The following KCNB2 variants were observed in gnomAD, a reference collection of about 807,000 sequenced individuals.
The protein encoded by KCNB2 is potassium voltage-gated channel subfamily B member 2.
Under a neutral mutation model 61.5 loss-of-function variants are expected in KCNB2, and 15 were observed. The ratio of observed to expected loss-of-function variants is 0.24; its 90% CI spans 0.16 to 0.38. KCNB2 has a LOEUF of 0.38. Ranked by LOEUF, KCNB2 falls within the 10% of genes least tolerant of loss-of-function variation. The pLI, the probability that KCNB2 is intolerant of heterozygous loss-of-function variation, is 1.00. For synonymous variants in KCNB2, 457 were observed against 446.0 expected, an observed-to-expected ratio of 1.02 and a Z score of -0.31; for missense variants, 828 against 1,125.2, an observed-to-expected ratio of 0.74 and a Z score of 3.78.
intron 2 of KCNB2, among the ~76,000 whole-genome samples, chr8:72,874,064 T>C (rs1351425230): frequency 6.6e-6 from 1 of 152,246 alleles, no homozygotes; most frequent in African/African-American, 2.4e-5. Flanking sequence ...TAGGCAACTG[T>C]GGACTTACAT....
Position 72,572,839 on chromosome 8 carries a change from G to A in KCNB2, c.579+4526G>A, listed in dbSNP as rs984038382. Among the ~76,000 whole-genome samples the A allele has an allele frequency of 2.0e-5, 3 of 152,130 alleles. No individual in the cohort carries two copies. The South Asian group carries it at 6.2e-4, about 32-fold the overall frequency. On this transcript the variant is annotated intron_variant, in intron 2 of 2. Transcript: ENST00000523207. Reference sequence around the variant, plus strand: ...GCACCAGTTTTCTCCCCTTGAAAATGCATGGGACGGAGGGAAGGAGATGAC... The same window carrying A: ...GCACCAGTTTTCTCCCCTTGAAAATACATGGGACGGAGGGAAGGAGATGAC...
intron 2 of KCNB2, among the ~76,000 whole-genome samples, chr8:72,846,375 C>T (rs1010984375): frequency 3.3e-5 from 5 of 152,004 alleles, no homozygotes; most frequent in Admixed American, 1.3e-4. Context: ...ACTAAAATAC[C>T]GAAAGCAATG....
chr8:72,894,110 G>A (rs1345452584), intron 2 of KCNB2, among the ~76,000 whole-genome samples: 2 of 152,174 alleles, frequency 1.3e-5, no homozygotes, highest in East Asian at 1.9e-4. Flanking sequence ...TGGGGTAGGT[G>A]AATGATGAAG....
chr8:72,851,845 A>AAAAAAAAAAAAAC (rs1563404693), intron 2 of KCNB2, among the ~76,000 whole-genome samples: 1 of 147,914 alleles, frequency 6.8e-6, no homozygotes, highest in Admixed American at 6.7e-5. Flanking sequence ...AAAAAAAAAA[A>AAAAAAAAAAAAAC]AAACACGTAC....
intron 1 of KCNB2, among the ~76,000 whole-genome samples, chr8:72,539,607 A>C (rs140093464): frequency 9.5e-4 from 145 of 152,268 alleles, no homozygotes; most frequent in Middle Eastern, 3.4e-3. Flanking sequence ...CCTCATACAC[A>C]AACCCACACG....
At chr8:72,700,986 A>G (rs1481374091) in intron 2 of KCNB2, among the ~76,000 whole-genome samples, 2 of 152,198 alleles carry the variant, frequency 1.3e-5, no homozygotes, top group Admixed American at 6.5e-5. Flanking sequence ...AGGAACAAGA[A>G]TACCACATGT....
chr8:72,586,037 A>T (rs1451573491), intron 2 of KCNB2, among the ~76,000 whole-genome samples: 2 of 152,216 alleles, frequency 1.3e-5, no homozygotes, highest in Non-Finnish European at 2.9e-5. Context: ...ATCCACCAGC[A>T]TTCCTAAAAA....
chr8:72,779,962 A>G (rs1808727138), intron 2 of KCNB2, among the ~76,000 whole-genome samples: 1 of 151,894 alleles, frequency 6.6e-6, no homozygotes, highest in Non-Finnish European at 1.5e-5. Flanking sequence ...CACCATGGAC[A>G]GTGCTTGGGT....
At chr8:72,851,834 A>AAAAAAAAAAAAC (rs1810118274) in intron 2 of KCNB2, among the ~76,000 whole-genome samples, 2 of 142,212 alleles carry the variant, frequency 1.4e-5, no homozygotes, top group African/African-American at 2.7e-5. Flanking sequence ...AGGAAAAAAA[A>AAAAAAAAAAAAC]AAAAAAAAAA....
intron 2 of KCNB2, among the ~76,000 whole-genome samples, chr8:72,885,168 A>C (rs1563413159): frequency 6.6e-6 from 1 of 152,124 alleles, no homozygotes; most frequent in Non-Finnish European, 1.5e-5. Flanking sequence ...ATATTAAACT[A>C]TGCTTGCATT....
chr8:72,667,166 A>C lies in KCNB2; in HGVS notation c.579+98853A>C, dbSNP rs1806490258. On this transcript the variant is annotated intron_variant, in intron 2 of 2. Transcript: ENST00000523207. The stretch of plus-strand genomic sequence containing the variant: ...ATAAGCACCTGGCAGAGTCTTTGTG[A>C]GGATTACCTGGGTTAGCTCATGGAA... Among the ~76,000 whole-genome samples, 3 of 152,204 alleles carry C rather than the reference A, an allele frequency of 2.0e-5. 1 individual carries two copies. In the South Asian group the frequency reaches 6.2e-4, roughly 31 times the overall value.
intron 2 of KCNB2, among the ~76,000 whole-genome samples, chr8:72,712,251 A>G (rs945226639): frequency 6.6e-6 from 1 of 152,214 alleles, no homozygotes; most frequent in Non-Finnish European, 1.5e-5. Flanking sequence ...GAAGGAGCAT[A>G]TTTTTAAGGA....
intron 2 of KCNB2, among the ~76,000 whole-genome samples, chr8:72,681,160 T>C (rs1274355904): frequency 6.6e-6 from 1 of 152,110 alleles, no homozygotes; most frequent in African/African-American, 2.4e-5. Context: ...TGAATGAGTT[T>C]GGCTTGGGGG....
chr8:72,908,417 A>G (rs1464716375), intron 2 of KCNB2, among the ~76,000 whole-genome samples: 4 of 152,078 alleles, frequency 2.6e-5, no homozygotes, highest in Admixed American at 2.6e-4. Flanking sequence ...GCCATGTCTG[A>G]TTTTGTTCAC....
chr8:72,740,982 T>G (rs1302497943), intron 2 of KCNB2, among the ~76,000 whole-genome samples: 1 of 152,234 alleles, frequency 6.6e-6, no homozygotes, highest in Non-Finnish European at 1.5e-5. Context: ...TCTCAAGACA[T>G]GTTTACTTTT....
At chr8:72,555,188 GATA>G (rs1806404474) in intron 1 of KCNB2, among the ~76,000 whole-genome samples, 1 of 151,930 alleles carries the variant, frequency 6.6e-6, no homozygotes, top group Admixed American at 6.6e-5. Flanking sequence ...ATAAATAAAA[GATA>G]ATAATACCCA....
At chr8:72,888,544 C>T (rs888947524) in intron 2 of KCNB2, among the ~76,000 whole-genome samples, 6 of 152,040 alleles carry the variant, frequency 3.9e-5, no homozygotes, top group African/African-American at 1.2e-4. Context: ...TTTCTTAAGC[C>T]CTTGGCTCAG....
At chr8:72,711,434 A>C (rs1159660206) in intron 2 of KCNB2, among the ~76,000 whole-genome samples, 1 of 152,192 alleles carries the variant, frequency 6.6e-6, no homozygotes, top group East Asian at 1.9e-4. Flanking sequence ...TTCACACTGA[A>C]GAGTCTATCT....
chr8:72,561,747 G>GTATATA (rs1320328900), intron 1 of KCNB2, among the ~76,000 whole-genome samples: 7 of 16,042 alleles, frequency 4.4e-4, no homozygotes, highest in African/African-American at 2.5e-3. Context: ...ATATATATAT[G>GTATATA]TATATATATA....
Sources: gnomAD v4.1 joint callset for allele counts (sites outside exome capture counted in the v4.1 genomes callset) on GRCh38, gnomAD v4.1.1 for gene constraint, MANE v1.5 for transcripts, NCBI Gene and HGNC (gene_info 2026-07-23, HGNC 2026-07-21) for gene names.